USP33: variants seen among roughly 807,000 people sequenced by gnomAD.
USP33 encodes ubiquitin carboxyl-terminal hydrolase 33.
Under a neutral mutation model 124.2 loss-of-function variants are expected in USP33, and 46 were observed. That is an observed-to-expected ratio of 0.37 (90% confidence interval 0.29 to 0.47). The LOEUF (loss-of-function observed/expected upper bound fraction) is 0.47. Among genes scored for constraint, USP33 ranks in the 20% least tolerant of loss-of-function variants. USP33 has a pLI of 0.99. For missense variants in USP33, 851 were observed against 1,070.6 expected (o/e 0.79, Z 2.86); for synonymous variants, 350 against 352.3 (o/e 0.99, Z 0.07).
At chr1:77,728,803 T>C (rs914070583) in intron 9 of USP33, 91 bp from the exon 10 acceptor site, 6 of 1,353,434 alleles carry the variant, frequency 4.4e-6, no homozygotes, top group African/African-American at 2.9e-5. Context: ...TACAAACTTA[T>C]ATATGAAGGT....
At chr1:77,725,317 G>A (rs1677038461) in intron 11 of USP33, among the ~76,000 whole-genome samples, 1 of 152,166 alleles carries the variant, frequency 6.6e-6, no homozygotes, top group Admixed American at 6.5e-5. Context: ...GTACTATGCA[G>A]GAATTCTTTG....
chr1:77,754,254 G>C (rs1351536005), intron 1 of USP33, among the ~76,000 whole-genome samples: 1 of 152,132 alleles, frequency 6.6e-6, no homozygotes, highest in Admixed American at 6.6e-5. Flanking sequence ...TTTCAATCTA[G>C]ACTATGGTTC....
At chr1:77,704,459 T>A (rs887327049) in intron 21 of USP33, among the ~76,000 whole-genome samples, 5 of 152,232 alleles carry the variant, frequency 3.3e-5, no homozygotes, top group African/African-American at 1.2e-4. Context: ...TATTAAGAAG[T>A]TACTTCCTAT....
At chr1:77,749,365 T>C (rs1557871512) in intron 1 of USP33, among the ~76,000 whole-genome samples, 1 of 151,802 alleles carries the variant, frequency 6.6e-6, no homozygotes. Flanking sequence ...GGTTGTATTT[T>C]TTTATGTTTT....
rs1681080883 is a variant in USP33 at position 77,759,129 on chromosome 1, C to G, written c.-52+514G>C. Among the ~76,000 whole-genome samples, 3 of 152,180 alleles carry G rather than the reference C, an allele frequency of 2.0e-5. No individual in the cohort carries two copies. In the South Asian group the frequency reaches 6.2e-4, roughly 32 times the overall value. On this transcript the variant is annotated intron_variant, in intron 1 of 23. Transcript: ENST00000370794. ...TAAGGGGTAACCTCTCAGTCAAGAT[C>G]AAACATTGGTCGAAGAAAAATTCCA... is the stretch of plus-strand genomic sequence containing the variant.
intron 1 of USP33, among the ~76,000 whole-genome samples, chr1:77,751,136 A>G (rs1479068511): frequency 6.6e-6 from 1 of 152,232 alleles, no homozygotes; most frequent in Non-Finnish European, 1.5e-5. Flanking sequence ...GGAAATCACA[A>G]AGAGTGCACA....
In USP33 at chr1:77,696,197, TTATC is replaced by T. The variant is rs998491358; in HGVS notation, c.*1116_*1119del. ...GCATACTATATTATTCAAAAAGACT[TTATC>T]TATTTCATTTAAAAAATCAAGTTGC... On this transcript the variant is annotated 3_prime_UTR_variant, in exon 24 of 24. Transcript: ENST00000370794. 3.3e-5 allele frequency: 5 copies of T among 152,362 alleles called. No individual in the cohort carries two copies. Among genetic ancestry groups the T allele is most frequent in the Non-Finnish European group, 7.3e-5 (5 of 68,040 alleles). The allele number at this position is 152,362 out of a possible 1,614,324, so 9.4% of individuals were successfully genotyped here.
At chr1:77,719,460 C>T (rs1378448386) in intron 15 of USP33, among the ~76,000 whole-genome samples, 3 of 152,202 alleles carry the variant, frequency 2.0e-5, no homozygotes, top group Admixed American at 2.0e-4. Context: ...AAATGTGCTA[C>T]TGTCTGTGGT....
At chr1:77,733,728 C>T (rs1208301154) in intron 7 of USP33, among the ~76,000 whole-genome samples, 1 of 152,128 alleles carries the variant, frequency 6.6e-6, no homozygotes, top group African/African-American at 2.4e-5. Flanking sequence ...CAAATAAATA[C>T]TCCAAAATCC....
At chr1:77,733,709 A>G (rs1328966964) in intron 7 of USP33, among the ~76,000 whole-genome samples, 2 of 152,238 alleles carry the variant, frequency 1.3e-5, no homozygotes, top group African/African-American at 4.8e-5. Context: ...TCAACCAGTA[A>G]GCATAATGCA....
chr1:77,730,910 C>T (rs192373198), intron 7 of USP33, among the ~76,000 whole-genome samples, 179 bp from the exon 8 acceptor site: 1 of 152,128 alleles, frequency 6.6e-6, no homozygotes, highest in Non-Finnish European at 1.5e-5. Context: ...TCAGATTTGG[C>T]CCCAGCATAT....
At chr1:77,752,005 A>C (rs1039181895) in intron 1 of USP33, among the ~76,000 whole-genome samples, 8 of 151,560 alleles carry the variant, frequency 5.3e-5, no homozygotes, top group African/African-American at 1.7e-4. Flanking sequence ...ATTACTTTTA[A>C]GGGGAGAATA....
chr1:77,744,112 G>C (rs1362165068), intron 1 of USP33, among the ~76,000 whole-genome samples: 1 of 137,572 alleles, frequency 7.3e-6, no homozygotes, highest in Non-Finnish European at 1.5e-5. Flanking sequence ...GACAGAGCAA[G>C]ACTCTGTCTC....
At position 77,697,145 on chromosome 1, in the gene USP33, TA is replaced by T. The variant is rs1673496392; in HGVS notation, c.*171del. On this transcript the variant is annotated 3_prime_UTR_variant, in exon 24 of 24. Coordinates refer to ENST00000370794, the MANE Select transcript of USP33 (RefSeq NM_201624.3). ...TAAAACTAAATATACCAACCTGTGG[TA>T]TATTACACATTTTAATATATTCTTC... 1.7e-6 allele frequency: 1 copy of T among 579,900 alleles called. No individual in the cohort carries two copies. The highest frequency in any genetic ancestry group is 1.9e-5 in the African/African-American group (1 of 52,062). The allele number at this position is 579,900 out of a possible 1,614,324, so 35.9% of individuals were successfully genotyped here.
At chr1:77,720,228 G>C (rs1408864954) in intron 15 of USP33, 3 of 460,064 alleles carry the variant, frequency 6.5e-6, no homozygotes, top group Admixed American at 7.2e-5. Flanking sequence ...AAAGATAAAG[G>C]ATGGTTATTA....
At chr1:77,752,297 C>G (rs560551703) in intron 1 of USP33, among the ~76,000 whole-genome samples, 27 of 152,146 alleles carry the variant, frequency 1.8e-4, no homozygotes, top group South Asian at 1.7e-3. Flanking sequence ...GTCACCACAT[C>G]CAGCTAAATT....
intron 14 of USP33, chr1:77,721,459 ATG>A (rs1676553425): frequency 3.6e-6 from 2 of 559,292 alleles, no homozygotes; most frequent in East Asian, 6.0e-5. Flanking sequence ...TGCCTGTCAT[ATG>A]TCCAAGCAAG....
intron 1 of USP33, among the ~76,000 whole-genome samples, chr1:77,749,404 C>T (rs1199376506): frequency 1.3e-5 from 2 of 150,222 alleles, no homozygotes; most frequent in East Asian, 1.9e-4. Context: ...TTTTTGGAGA[C>T]GGAGTCTCGC....
In USP33 at chr1:77,697,184, TAAG is replaced by T; in HGVS notation, c.*130_*132del. 2.4e-6 allele frequency: 2 copies of T among 846,964 alleles called. No individual in the cohort carries two copies. The highest frequency in any genetic ancestry group is 3.5e-6 in the Non-Finnish European group (2 of 563,984). The allele number at this position is 846,964 out of a possible 1,614,324, so 52.5% of individuals were successfully genotyped here. A position where few individuals can be genotyped will look rare whatever the true frequency, so the allele number is the denominator to read the frequency against. On this transcript the variant is annotated 3_prime_UTR_variant, in exon 24 of 24. Coordinates refer to ENST00000370794, the MANE Select transcript of USP33 (RefSeq NM_201624.3). ...TAATATATTCTTCCATAATGCCCAC[TAAG>T]AAGAAATAAATGGGATAAATGATGA... is the stretch of plus-strand genomic sequence containing the variant.
Sources: gnomAD v4.1 joint callset for allele counts (sites outside exome capture counted in the v4.1 genomes callset) on GRCh38, gnomAD v4.1.1 for gene constraint, MANE v1.5 for transcripts, NCBI Gene and HGNC (gene_info 2026-07-23, HGNC 2026-07-21) for gene names.